JADE3: variants seen among roughly 807,000 people sequenced by gnomAD.
JADE3 encodes jade family PHD finger 3, also known as protein Jade-3.
A neutral mutation model predicts 50.1 loss-of-function variants in JADE3; 2 were observed. The ratio of observed to expected loss-of-function variants is 0.04; its 90% CI spans 0.02 to 0.13. The LOEUF is 0.13. JADE3 is among the 10% of genes least tolerant of loss of function. The pLI is 1.00. For missense variants in JADE3, 475 were observed against 634.4 expected, an observed-to-expected ratio of 0.75 and a Z score of 2.70; for synonymous variants, 218 against 232.9, an observed-to-expected ratio of 0.94 and a Z score of 0.58.
intron 1 of JADE3, among the ~76,000 whole-genome samples, chrX:46,949,304 C>T (rs1461890356): frequency 1.8e-5 from 2 of 111,642 alleles, no homozygotes; most frequent in East Asian, 5.6e-4. Flanking sequence ...ACATATAGTG[C>T]TTATCTGAGC....
intron 1 of JADE3, among the ~76,000 whole-genome samples, chrX:46,956,915 G>A (rs912812659): frequency 6.6e-5 from 7 of 106,427 alleles, no homozygotes; most frequent in African/African-American, 2.1e-4. Context: ...TCTGCCTCCC[G>A]GGCTCCAGTG....
intron 8 of JADE3, among the ~76,000 whole-genome samples, chrX:47,047,054 G>A (rs1342093859): frequency 9.0e-6 from 1 of 111,465 alleles, no homozygotes; most frequent in African/African-American, 3.3e-5. Flanking sequence ...ACTTTGGGTT[G>A]GATGCAGTGG....
chrX:46,977,441 C>CTT (rs1255105549), intron 1 of JADE3, among the ~76,000 whole-genome samples: 38 of 112,057 alleles, frequency 3.4e-4, no homozygotes, highest in African/African-American at 1.2e-3. Context: ...ATAAACCTAT[C>CTT]TATCACCCCC....
intron 6 of JADE3, among the ~76,000 whole-genome samples, chrX:47,030,985 C>T (rs968361250): frequency 4.6e-5 from 5 of 108,732 alleles, no homozygotes; most frequent in African/African-American, 1.7e-4. Flanking sequence ...AGGAGGTGGA[C>T]ATTGCAGTGA....
intron 1 of JADE3, among the ~76,000 whole-genome samples, chrX:46,916,987 G>A (rs782288769): frequency 9.0e-6 from 1 of 111,611 alleles, no homozygotes; most frequent in South Asian, 3.7e-4. Context: ...GAAGCCTTTG[G>A]TGTCATATAC....
intron 8 of JADE3, among the ~76,000 whole-genome samples, chrX:47,047,376 G>A (rs782543606): frequency 2.4e-4 from 26 of 110,542 alleles, no homozygotes; most frequent in Non-Finnish European, 4.5e-4. Flanking sequence ...ATGAAACTCC[G>A]TCTCTACTAA....
intron 1 of JADE3, among the ~76,000 whole-genome samples, chrX:46,973,452 G>A (rs1165148762): frequency 1.8e-5 from 2 of 112,317 alleles, no homozygotes; most frequent in Non-Finnish European, 3.8e-5. Flanking sequence ...CTCTTTCAAA[G>A]ATTTGTTAGG....
intron 4 of JADE3, among the ~76,000 whole-genome samples, chrX:47,008,086 G>T (rs997646122): frequency 1.8e-5 from 2 of 111,706 alleles, no homozygotes; most frequent in Non-Finnish European, 3.8e-5. Context: ...CAGTAGAAGA[G>T]AAATTTGAAT....
intron 4 of JADE3, among the ~76,000 whole-genome samples, chrX:47,003,678 ATG>A (rs1369751090): frequency 1.0e-5 from 1 of 100,097 alleles, no homozygotes; most frequent in African/African-American, 3.6e-5. Flanking sequence ...ATTATAATTA[ATG>A]TATATGTTAT....
At chrX:46,987,621 C>G (rs1927890831) in intron 3 of JADE3, among the ~76,000 whole-genome samples, 1 of 112,062 alleles carries the variant, frequency 8.9e-6, no homozygotes, top group South Asian at 3.7e-4. Flanking sequence ...CCATGTCATA[C>G]AGAAAGACTT....
At chrX:46,914,049 TAA>T (rs1406227347) in intron 1 of JADE3, among the ~76,000 whole-genome samples, 1 of 111,897 alleles carries the variant, frequency 8.9e-6, no homozygotes, top group Non-Finnish European at 1.9e-5. Flanking sequence ...TTCAGTCTGA[TAA>T]AGTGAACTGC....
intron 8 of JADE3, among the ~76,000 whole-genome samples, chrX:47,049,182 T>TC (rs565697996): frequency 4.4e-5 from 1 of 22,483 alleles, no homozygotes; most frequent in Non-Finnish European, 6.9e-5. Context: ...TTTCTTCTTC[T>TC]TTTTTTTTTT....
At chrX:47,030,143 A>C (rs1267501011) in intron 6 of JADE3, among the ~76,000 whole-genome samples, 2 of 110,965 alleles carry the variant, frequency 1.8e-5, no homozygotes, top group African/African-American at 6.6e-5. Context: ...TAGAGGTTTC[A>C]GATAAATGAT....
Position 47,058,775 on chromosome X carries a change from G to A in JADE3, c.2170G>A (p.Val724Met), listed in dbSNP as rs367575533. The change falls in exon 11 of 11, where the codon GTG (valine) becomes ATG (methionine). Residue 724 changes from valine (V) to methionine (M), a missense_variant. This residue lies in a region of JADE3 where 243 missense variants were observed against 238.2 expected (regional missense o/e 1.02). Transcript: ENST00000614628. ...CTTTAAAGAGACCACCAATAGGTGG[G>A]TGAAGAACACAGAGGACCTCCAGTG... ...RSFKETTNRW[V>M]KNTEDLQCYV... 5.0e-6 allele frequency: 6 copies of A among 1,207,496 alleles called. No individual in the cohort carries two copies. The highest frequency in any genetic ancestry group is 6.7e-6 in the Non-Finnish European group (6 of 893,183).
chrX:47,046,113 AT>A (rs782784202), intron 8 of JADE3, among the ~76,000 whole-genome samples: 8 of 111,174 alleles, frequency 7.2e-5, no homozygotes, highest in Non-Finnish European at 1.5e-4. Context: ...AAAAGATAAA[AT>A]CACCAAACCT....
chrX:47,006,549 C>T (rs1352964559), intron 4 of JADE3, among the ~76,000 whole-genome samples: 1 of 107,781 alleles, frequency 9.3e-6, no homozygotes, highest in Non-Finnish European at 1.9e-5. Flanking sequence ...ATCCGACCAC[C>T]TCGGCCTCCC....
chrX:46,940,988 G>A (rs1219538410), intron 1 of JADE3, among the ~76,000 whole-genome samples: 1 of 110,828 alleles, frequency 9.0e-6, no homozygotes, highest in African/African-American at 3.3e-5. Flanking sequence ...GGTCTGTCAC[G>A]TGGGTTTGTT....
Position 46,998,206 on chromosome X carries a change from A to G in JADE3, c.213A>G (p.Thr71=), listed in dbSNP as rs782246543. 12 of 1,204,357 alleles carry G rather than the reference A, an allele frequency of 1.0e-5. No homozygotes were observed. The African/African-American group carries it at 1.8e-4, about 18-fold the overall frequency. The change falls in exon 4 of 11, where the codon ACA becomes ACG. Residue 71 remains threonine (T), a synonymous_variant. Transcript: ENST00000614628. ...ATAGCTATTACCTCTTTGCTGATAC[A>G]TGGAAGGAAGAATGGGAAAAGGGAG... is the stretch of plus-strand genomic sequence containing the variant. ...NPDSYYLFAD[T]WKEEWEKGVQ...
intron 4 of JADE3, among the ~76,000 whole-genome samples, chrX:47,005,216 C>T (rs782371361): frequency 8.1e-5 from 9 of 111,500 alleles, no homozygotes; most frequent in South Asian, 7.6e-4. Context: ...GGAAAGGGAC[C>T]GCCTATCAGA....
Sources: gnomAD v4.1 joint callset for allele counts (sites outside exome capture counted in the v4.1 genomes callset) on GRCh38, gnomAD v4.1.1 for gene constraint, gnomAD v4.1.1 regional missense constraint, MANE v1.5 for transcripts, NCBI Gene and HGNC (gene_info 2026-07-23, HGNC 2026-07-21) for gene names.